DNAJC2: variants seen among roughly 807,000 people sequenced by gnomAD.
The protein encoded by DNAJC2 is dnaJ homolog subfamily C member 2.
DNAJC2 carries 32 observed loss-of-function variants against 94.0 expected under a neutral mutation model. That is an observed-to-expected ratio of 0.34 (90% CI 0.26 to 0.46). DNAJC2 has a LOEUF of 0.46. Among genes scored for constraint, DNAJC2 ranks in the 20% least tolerant of loss-of-function variants. The probability of loss-of-function intolerance (pLI) is 1.00; values close to 1 mark genes in which losing one functional copy is unlikely to be tolerated. For synonymous variants in DNAJC2, 210 were observed against 229.7 expected, an observed-to-expected ratio of 0.91 and a Z score of 0.77; for missense variants, 550 against 719.5, an observed-to-expected ratio of 0.76 and a Z score of 2.69.
At chr7:103,326,747 C>T (rs925101966) in intron 4 of DNAJC2, 63 bp from the exon 5 acceptor site, 5 of 1,468,616 alleles carry the variant, frequency 3.4e-6, no homozygotes, top group Non-Finnish European at 4.6e-6. Context: ...TGCAAGAAAA[C>T]AAGTATTTCC....
intron 10 of DNAJC2, 82 bp downstream of exon 10, chr7:103,321,850 A>G: frequency 6.7e-7 from 1 of 1,489,680 alleles, no homozygotes; most frequent in East Asian, 2.3e-5. Flanking sequence ...CCCATCTAAA[A>G]AACAAACAAA....
chr7:103,329,305 A>C (rs1037439190), intron 3 of DNAJC2: 37 of 176,850 alleles, frequency 2.1e-4, no homozygotes, highest in African/African-American at 8.6e-4. Context: ...TGAGGCACAG[A>C]GGAGACGTTA....
At chr7:103,332,032 T>C (rs1818995284) in intron 3 of DNAJC2, among the ~76,000 whole-genome samples, 1 of 149,096 alleles carries the variant, frequency 6.7e-6, no homozygotes, top group African/African-American at 2.5e-5. Context: ...TGAGGCGGAG[T>C]CTTGCTCTGT....
At chr7:103,326,475 A>G (rs1406510554) in intron 5 of DNAJC2, 68 bp downstream of exon 5, 1 of 1,485,624 alleles carries the variant, frequency 6.7e-7, no homozygotes, top group African/African-American at 1.4e-5. Context: ...GGGAAAGAGC[A>G]GAAACCTGGA....
At chr7:103,340,326 T>C (rs1446078315) in intron 2 of DNAJC2, among the ~76,000 whole-genome samples, 4 of 152,246 alleles carry the variant, frequency 2.6e-5, no homozygotes, top group African/African-American at 7.2e-5. Context: ...CAATGTTGTC[T>C]TTTTCTTTTA....
chr7:103,324,947 A>G (rs1450786673), intron 5 of DNAJC2, among the ~76,000 whole-genome samples: 2 of 152,166 alleles, frequency 1.3e-5, no homozygotes, highest in Non-Finnish European at 2.9e-5. Context: ...CTAGCCCTTT[A>G]AAAATGTTAA....
intron 2 of DNAJC2, among the ~76,000 whole-genome samples, chr7:103,338,524 T>C (rs1240648454): frequency 1.3e-5 from 2 of 151,446 alleles, no homozygotes; most frequent in East Asian, 4.0e-4. Context: ...CTCGAACTCC[T>C]GACCTCAGGT....
At chr7:103,327,780 A>T (rs1295760062) in intron 3 of DNAJC2, 26 bp from the exon 4 acceptor site, 1 of 1,528,558 alleles carries the variant, frequency 6.5e-7, no homozygotes, top group Non-Finnish European at 9.0e-7. Flanking sequence ...GATTGAGATA[A>T]TTTGTCACTT....
chr7:103,316,603 A>T (rs1285592812), intron 13 of DNAJC2: 1 of 479,608 alleles, frequency 2.1e-6, no homozygotes, highest in Non-Finnish European at 3.7e-6. Flanking sequence ...CATGATCTTC[A>T]ATTTCCTGAG....
intron 12 of DNAJC2, 101 bp downstream of exon 12, chr7:103,319,507 CA>C: frequency 9.2e-7 from 1 of 1,086,712 alleles, no homozygotes; most frequent in Admixed American, 2.2e-5. Flanking sequence ...AAAGAGAAAT[CA>C]GATACTCCCT....
At position 103,324,518 on chromosome 7, in the gene DNAJC2, G is replaced by C; in HGVS notation, c.617C>G (p.Ser206Ter). The C allele has an allele frequency of 6.7e-7, 1 of 1,495,620 alleles. No homozygotes were observed. The highest frequency in any genetic ancestry group is 9.0e-7 in the Non-Finnish European group (1 of 1,110,848). 92.6% of individuals were successfully genotyped at this position (1,495,620 alleles called of 1,614,324 possible). A position where few individuals can be genotyped will look rare whatever the true frequency, so the allele number is the denominator to read the frequency against. The change falls in exon 6 of 17, where the codon TCA becomes TGA. Residue 206 changes from serine (S) to a stop codon, truncating the protein, a stop_gained. Transcript: ENST00000379263. LOFTEE classifies it high-confidence loss of function. ...KNVPKLGDMN[S>*]SFEDVDIFYS... The stretch of plus-strand genomic sequence containing the variant: ...AAATATATCTACATCTTCAAATGAT[G>C]AATTCATATCACCAAGTTTAGGAAC...
chr7:103,316,117 A>G (rs780804156), intron 13 of DNAJC2, 29 bp from the exon 14 acceptor site: 1 of 1,371,912 alleles, frequency 7.3e-7, no homozygotes, highest in Non-Finnish European at 1.0e-6. Flanking sequence ...CAATAATATG[A>G]ATAGTAGTAA....
chr7:103,341,900 T>G lies in DNAJC2; in HGVS notation c.119A>C (p.Lys40Thr). 1 of 1,612,622 alleles carries G rather than the reference T, an allele frequency of 6.2e-7. No individual in the cohort carries two copies. The change falls in exon 2 of 17, where the codon AAG becomes ACG. Residue 40 changes from lysine to threonine, a missense_variant. Lys to Thr is a moderately conservative substitution (Grantham distance 78, BLOSUM62 -1). Transcript: ENST00000379263. ...GGCAGAAGCATTTCTGTTTCTCCTC[T>G]TAACAAAAGCTTCAAACCATCTTCC... ...PVGRWFEAFV[K>T]RRNRNASASF...
chr7:103,323,011 C>T (rs902407259), intron 7 of DNAJC2, among the ~76,000 whole-genome samples: 1 of 151,796 alleles, frequency 6.6e-6, no homozygotes, highest in Admixed American at 6.6e-5. Context: ...CTCATTGCAA[C>T]CTCTGCCTCC....
At chr7:103,338,309 T>A (rs925459705) in intron 2 of DNAJC2, among the ~76,000 whole-genome samples, 7 of 150,966 alleles carry the variant, frequency 4.6e-5, no homozygotes, top group Non-Finnish European at 8.9e-5. Flanking sequence ...TTTATTTTAT[T>A]TTTTTGAGAC....
At chr7:103,326,430 A>T (rs1818710502) in intron 5 of DNAJC2, 113 bp downstream of exon 5, 5 of 1,054,138 alleles carry the variant, frequency 4.7e-6, no homozygotes, top group Non-Finnish European at 2.8e-6. Flanking sequence ...AGGAAGAGAC[A>T]GTGGAAATAA....
chr7:103,315,743 G>T, intron 15 of DNAJC2, 21 bp downstream of exon 15: 1 of 1,551,658 alleles, frequency 6.4e-7, no homozygotes, highest in Non-Finnish European at 8.9e-7. Flanking sequence ...CATTTTCTAC[G>T]TTTAGAAAAG....
chr7:103,316,988 T>C lies in DNAJC2; in HGVS notation c.1269A>G (p.Arg423=), dbSNP rs780910353. Residue 423 remains arginine, a synonymous_variant, in exon 13 of 17, where the codon AGA becomes AGG. Transcript: ENST00000379263. ...KQIEEINEQI[R]KEKEEAEARM... is the part of the protein sequence containing the mutation. ...GAGCCTCAGCTTCCTCTTTCTCTTT[T>C]CTGATTTGCTCATTTATTTCTTCTA... is the stretch of plus-strand genomic sequence containing the variant. 3.1e-6 allele frequency: 5 copies of C among 1,613,502 alleles called. No individual in the cohort carries two copies. In the African/African-American group the frequency reaches 4.0e-5, roughly 13 times the overall value.
At chr7:103,316,587 T>C (rs1422714735) in intron 13 of DNAJC2, 5 of 458,448 alleles carry the variant, frequency 1.1e-5, no homozygotes, top group Non-Finnish European at 1.9e-5. Flanking sequence ...AAATCAAGAC[T>C]TGTCTCATGA....
Sources: allele counts gnomAD v4.1 joint callset (sites outside exome capture counted in the v4.1 genomes callset), GRCh38; gene constraint gnomAD v4.1.1; transcripts MANE v1.5; gene names NCBI Gene and HGNC (gene_info 2026-07-23, HGNC 2026-07-21).